Variants in ITGA10 observed in about 807,000 individuals in gnomAD.
ITGA10 encodes integrin subunit alpha 10, also known as integrin alpha-10.
In ITGA10, 105 loss-of-function variants were observed where a neutral mutation model predicts 145.2. The observed-to-expected ratio is 0.72, with a 90% CI of 0.62 to 0.85. The LOEUF (loss-of-function observed/expected upper bound fraction) is 0.85. Ranked by LOEUF, ITGA10 falls within the 40% of genes least tolerant of loss-of-function variation. ITGA10 has a pLI of 0.00. For synonymous variants in ITGA10, 506 were observed against 557.8 expected (o/e 0.91, Z 1.31); for missense variants, 1,317 against 1,444.5 (o/e 0.91, Z 1.43).
At chr1:145,895,021 C>G (rs16827008) in intron 27 of ITGA10, among the ~76,000 whole-genome samples, 20,013 of 152,106 alleles carry the variant, frequency 0.13, 1,439 homozygotes, top group Middle Eastern at 0.17. Flanking sequence ...AGGATAATAA[C>G]TAGCTTCCAC....
Position 145,900,652 on chromosome 1 carries a change from C to T in ITGA10, c.1791+138G>A, listed in dbSNP as rs587744640. The T allele has an allele frequency of 1.6e-5, 13 of 836,266 alleles. No homozygotes were observed. The African/African-American group carries it at 2.0e-4, about 13-fold the overall frequency. The allele number at this position is 836,266 out of a possible 1,614,324, so 51.8% of individuals were successfully genotyped here. On this transcript the variant is annotated intron_variant, in intron 14 of 29. Coordinates refer to ENST00000369304, the MANE Select transcript of ITGA10 (RefSeq NM_003637.5). ...AGTTCTTAGTTCAGCAACCTGTCCA[C>T]TGCCTTATGTTTTTGCCTACTAATA...
In ITGA10 at chr1:145,900,988, G is replaced by C. The variant is rs1225439250; in HGVS notation, c.1593C>G (p.Ser531=). The change falls in exon 14 of 30, where the codon TCC becomes TCG. Residue 531 remains serine (S), a synonymous_variant. Transcript: ENST00000369304. ...RVYVYLVGQQ[S]LLTLQGTLQP... is the part of the protein sequence containing the mutation. Reference sequence around the variant, plus strand: ...GAAGTGTTCCTTGGAGGGTCAGCAAGGACTGCTGGTGGAGGAGAGAAGATA... The same window carrying C: ...GAAGTGTTCCTTGGAGGGTCAGCAACGACTGCTGGTGGAGGAGAGAAGATA... 2.5e-6 allele frequency: 4 copies of C among 1,613,964 alleles called. No homozygotes were observed. The highest frequency in any genetic ancestry group is 3.4e-6 in the Non-Finnish European group (4 of 1,180,016).
chr1:145,900,915 G>C lies in ITGA10; in HGVS notation c.1666C>G (p.Leu556Val), dbSNP rs781895199. The change falls in exon 14 of 30, where the codon CTT becomes GTT. Residue 556 changes from leucine (L) to valine (V), a missense_variant. Transcript: ENST00000369304. ...AAACCATCTTGGTTCAGATCAGGAA[G>C]AGCTCCCATGGCAAAGCCAAACCGA... is the stretch of plus-strand genomic sequence containing the variant. The part of the protein sequence containing the change: ...DARFGFAMGA[L>V]PDLNQDGFAD... The C allele has an allele frequency of 6.2e-7, 1 of 1,614,138 alleles. No homozygotes were observed. Among genetic ancestry groups the C allele is most frequent in the Non-Finnish European group, 8.5e-7 (1 of 1,180,030 alleles).
Position 145,902,288 on chromosome 1 carries a change from C to A in ITGA10, c.1107G>T (p.Gly369=), listed in dbSNP as rs1553749107. Residue 369 remains glycine (G), a synonymous_variant, in exon 10 of 30, where the codon GGG becomes GGT. Transcript: ENST00000369304. Reference sequence around the variant, plus strand: ...AGAAACCAATCTGAGACATTTCCAGCCCAAAGGAGCTTTCGTTTTCTGCAT... The same window carrying A: ...AGAAACCAATCTGAGACATTTCCAGACCAAAGGAGCTTTCGTTTTCTGCAT... The part of the protein sequence containing the change: ...GSHAENESSF[G]LEMSQIGFST... 6.2e-7 allele frequency: 1 copy of A among 1,614,114 alleles called. No homozygotes were observed. Among genetic ancestry groups the A allele is most frequent in the South Asian group, 1.1e-5 (1 of 91,086 alleles).
intron 25 of ITGA10, 85 bp downstream of exon 25, chr1:145,895,898 G>C (rs1655325144): frequency 1.7e-6 from 2 of 1,145,700 alleles, no homozygotes; most frequent in African/African-American, 3.1e-5. Flanking sequence ...AGGCCCAACA[G>C]ATAGGGAGCT....
chr1:145,906,414 C>T lies in ITGA10; in HGVS notation c.461G>A (p.Ser154Asn), dbSNP rs781880743. 9 of 1,614,026 alleles carry T rather than the reference C, an allele frequency of 5.6e-6. No homozygotes were observed. Among genetic ancestry groups the T allele is most frequent in the Non-Finnish European group, 7.6e-6 (9 of 1,179,970 alleles). The change falls in exon 5 of 30, where the codon AGC becomes AAC. Residue 154 changes from serine to asparagine, a missense_variant. Coordinates refer to ENST00000369304, the MANE Select transcript of ITGA10 (RefSeq NM_003637.5). ...RVDASFQPQG[S>N]LAPTAQRCPT... ...CTCACGTTGGGCAGTGGGTGCCAGG[C>T]TTCCCTGAGGCTGGAATGAAGCATC...
chr1:145,903,024 TACACACAC>T (rs55794832), intron 7 of ITGA10, 63 bp from the exon 8 acceptor site: 3,818 of 378,742 alleles, frequency 0.01, 9 homozygotes, highest in African/African-American at 0.027. Flanking sequence ...CACACACACA[TACACACAC>T]ACACACACAC....
chr1:145,899,084 T>G lies in ITGA10; in HGVS notation c.2090-6A>C, dbSNP rs782250364. On this transcript the variant is annotated splice_region_variant and splice_polypyrimidine_tract_variant and intron_variant, in intron 16 of 29. Coordinates refer to ENST00000369304, the MANE Select transcript of ITGA10 (RefSeq NM_003637.5). The stretch of plus-strand genomic sequence containing the variant: ...TGATGCGGTGAACCTCATGTCTGAA[T>G]GAAGGAGGCAAGAGTGAGGGTGGAA... 1 of 1,614,244 alleles carries G rather than the reference T, an allele frequency of 6.2e-7. No individual in the cohort carries two copies. Among genetic ancestry groups the G allele is most frequent in the Admixed American group, 1.7e-5 (1 of 60,032 alleles).
intron 26 of ITGA10, 64 bp downstream of exon 26, chr1:145,895,567 T>G: frequency 6.5e-7 from 1 of 1,533,830 alleles, no homozygotes; most frequent in Non-Finnish European, 9.0e-7. Context: ...GTTCCTACCC[T>G]CTTGTCCCAA....
In ITGA10 at chr1:145,897,210, T is replaced by C. The variant is rs782461630; in HGVS notation, c.2667+37A>G. 3.7e-6 allele frequency: 6 copies of C among 1,603,874 alleles called. No homozygotes were observed. In the African/African-American group the frequency reaches 4.0e-5, roughly 11 times the overall value. On this transcript the variant is annotated intron_variant, in intron 21 of 29. Coordinates refer to ENST00000369304, the MANE Select transcript of ITGA10 (RefSeq NM_003637.5). Reference sequence around the variant, plus strand: ...GACCCTCAGATCCCAGCCTCTGCCCTCCTAGAGCCCTCTTTTCATCCTAGA... The same window carrying C: ...GACCCTCAGATCCCAGCCTCTGCCCCCCTAGAGCCCTCTTTTCATCCTAGA...
Position 145,907,058 on chromosome 1 carries a change from CATGGGGCATTGTGG to C in ITGA10, c.243_256del (p.His82CysfsTer7). 1.9e-6 allele frequency: 3 copies of C among 1,557,370 alleles called. No homozygotes were observed. The highest frequency in any genetic ancestry group is 2.6e-6 in the Non-Finnish European group (3 of 1,149,602). On this transcript the variant is annotated frameshift_variant, in exon 3 of 30. Transcript: ENST00000369304. LOFTEE classifies it high-confidence loss of function. ...CTTCTCACCTAAGTGGCCCTTGGCA[CATGGGGCATTGTGG>C]GCCCCCCCTACAGGGCAGCGATAAA... is the stretch of plus-strand genomic sequence containing the variant.
At position 145,897,307 on chromosome 1, in the gene ITGA10, G is replaced by A. The variant is rs782490336; in HGVS notation, c.2607C>T (p.Ala869=). The change falls in exon 21 of 30, where the codon GCC becomes GCT. Residue 869 remains alanine (A), a synonymous_variant. Transcript: ENST00000369304. The stretch of plus-strand genomic sequence containing the variant: ...TGCAGAGCCGGGCATGAGCAGAAGG[G>A]GCGGCACATTCCACCTTTATTGGGC... ...RESPIKVECA[A]PSAHARLCSV... is the part of the protein sequence containing the mutation. 6.2e-7 allele frequency: 1 copy of A among 1,614,160 alleles called. No individual in the cohort carries two copies.
At position 145,897,894 on chromosome 1, in the gene ITGA10, A is replaced by C. The variant is rs1553745904; in HGVS notation, c.2353T>G (p.Phe785Val). 6.2e-7 allele frequency: 1 copy of C among 1,613,678 alleles called. No individual in the cohort carries two copies. The highest frequency in any genetic ancestry group is 8.5e-7 in the Non-Finnish European group (1 of 1,179,550). ...SPTSIQKLVP[F>V]SKDCGPDNEC... Reference sequence around the variant, plus strand: ...TTGTCAGGGCCACAATCCTTTGAGAAGGGGACCTGGAAGAAAGGGAAGGGG... The same window carrying C: ...TTGTCAGGGCCACAATCCTTTGAGACGGGGACCTGGAAGAAAGGGAAGGGG... Residue 785 changes from phenylalanine (F) to valine (V), a missense_variant, in exon 19 of 30, where the codon TTC becomes GTC. Coordinates refer to ENST00000369304, the MANE Select transcript of ITGA10 (RefSeq NM_003637.5).
chr1:145,908,431 C>T (rs896543509), intron 1 of ITGA10, among the ~76,000 whole-genome samples: 4 of 152,140 alleles, frequency 2.6e-5, no homozygotes, highest in African/African-American at 9.7e-5. Context: ...CCACAACCTG[C>T]TTCCTTTTTA....
chr1:145,892,081 A>G lies in ITGA10; in HGVS notation c.*717T>C, dbSNP rs1654807899. ...GCTTTGCTCCCAGAAAAGGCTTGGA[A>G]TCAGGAAGCCTATGCCCAGCGAGCC... On this transcript the variant is annotated 3_prime_UTR_variant, in exon 30 of 30. Coordinates refer to ENST00000369304, the MANE Select transcript of ITGA10 (RefSeq NM_003637.5). 1 of 152,710 alleles carries G rather than the reference A, an allele frequency of 6.5e-6. No homozygotes were observed. Among genetic ancestry groups the G allele is most frequent in the African/African-American group, 2.4e-5 (1 of 41,470 alleles). The allele number at this position is 152,710 out of a possible 1,614,324, so 9.5% of individuals were successfully genotyped here.
At position 145,899,055 on chromosome 1, in the gene ITGA10, C is replaced by T; in HGVS notation, c.2113G>A (p.Asp705Asn). ...GCACGTGCCCCAGCAGTCCATTCAT[C>T]CAGTGATGCGGTGAACCTCATGTCT... is the stretch of plus-strand genomic sequence containing the variant. The part of the protein sequence containing the change: ...QFYMRFTASL[D>N]EWTAGARAAF... The change falls in exon 17 of 30, where the codon GAT becomes AAT. Residue 705 changes from aspartate (D) to asparagine (N), a missense_variant. Transcript: ENST00000369304. 1.2e-6 allele frequency: 2 copies of T among 1,614,222 alleles called. 1 individual carries two copies. Among genetic ancestry groups the T allele is most frequent in the Non-Finnish European group, 1.7e-6 (2 of 1,180,040 alleles).
At chr1:145,905,453 G>C (rs781979856) in intron 5 of ITGA10, among the ~76,000 whole-genome samples, 5 of 151,034 alleles carry the variant, frequency 3.3e-5, no homozygotes, top group Non-Finnish European at 7.4e-5. Flanking sequence ...CTAATTTTTT[G>C]TGTTTTTAGC....
At position 145,896,044 on chromosome 1, in the gene ITGA10, AG is replaced by A. The variant is rs1553744933; in HGVS notation, c.2971del (p.Leu991PhefsTer25). The A allele has an allele frequency of 1.2e-6, 2 of 1,614,180 alleles. No individual in the cohort carries two copies. The highest frequency in any genetic ancestry group is 2.7e-5 in the African/African-American group (2 of 75,038). ...ATTGCCCCCATGGGCCACAGCTGGA[AG>A]GAGGGCTGAGATGATGAGGCCACTG... Reference protein sequence around the residue: ...VVSGLIISALLPAVAHGGNYF... With the variant: ...VVSGLIISALXPAVAHGGNYF... On this transcript the variant is annotated frameshift_variant, in exon 25 of 30. Coordinates refer to ENST00000369304, the MANE Select transcript of ITGA10 (RefSeq NM_003637.5). LOFTEE classifies it high-confidence loss of function.
In ITGA10 at chr1:145,892,556, C is replaced by G. The variant is rs76987349; in HGVS notation, c.*242G>C. On this transcript the variant is annotated 3_prime_UTR_variant, in exon 30 of 30. Transcript: ENST00000369304. ...AGTGTTGGCTATGGAACCAGGATCACGAGGAGGAGGGAAGCAGAGGGTGGG... is the reference window on the plus strand; with the variant it reads ...AGTGTTGGCTATGGAACCAGGATCAGGAGGAGGAGGGAAGCAGAGGGTGGG... The G allele has an allele frequency of 2.4e-6, 1 of 417,660 alleles. No individual in the cohort carries two copies. The highest frequency in any genetic ancestry group is 4.3e-6 in the Non-Finnish European group (1 of 235,256). The allele number at this position is 417,660 out of a possible 1,614,324, so 25.9% of individuals were successfully genotyped here.
Sources: allele counts gnomAD v4.1 joint callset (sites outside exome capture counted in the v4.1 genomes callset), GRCh38; gene constraint gnomAD v4.1.1; transcripts MANE v1.5; gene names NCBI Gene and HGNC (gene_info 2026-07-23, HGNC 2026-07-21).